EYS: variants seen among roughly 807,000 people sequenced by gnomAD.
EYS encodes the protein protein eyes shut homolog.
In EYS, 250 loss-of-function variants were observed where a neutral mutation model predicts 282.1. The observed-to-expected ratio is 0.89, with a 90% CI of 0.80 to 0.98. The LOEUF is 0.98. Ranked by LOEUF, EYS falls within the 50% of genes least tolerant of loss-of-function variation. The pLI is 0.00. For missense variants in EYS, 4,016 were observed against 3,709.0 expected, an observed-to-expected ratio of 1.08 and a Z score of -2.15; for synonymous variants, 1,355 against 1,282.9, an observed-to-expected ratio of 1.06 and a Z score of -1.20.
chr6:63,883,142 T>A (rs1247881015), intron 35 of EYS, among the ~76,000 whole-genome samples: 1 of 152,212 alleles, frequency 6.6e-6, no homozygotes, highest in Non-Finnish European at 1.5e-5. Context: ...AGCAATGGCT[T>A]CCTTTACATA....
chr6:65,644,500 A>C (rs1020797462), intron 1 of EYS, among the ~76,000 whole-genome samples: 1 of 152,208 alleles, frequency 6.6e-6, no homozygotes, highest in Non-Finnish European at 1.5e-5. Flanking sequence ...CTGAGAGAAC[A>C]ATCAAAGACA....
At chr6:65,603,162 C>T (rs1562282123) in intron 2 of EYS, among the ~76,000 whole-genome samples, 1 of 151,916 alleles carries the variant, frequency 6.6e-6, no homozygotes, top group Non-Finnish European at 1.5e-5. Flanking sequence ...CAGAATGATA[C>T]ACCACTTCCT....
intron 30 of EYS, among the ~76,000 whole-genome samples, chr6:64,259,650 GCACACACA>G (rs1554222995): frequency 1.4e-5 from 2 of 145,602 alleles, no homozygotes; most frequent in Non-Finnish European, 3.0e-5. Flanking sequence ...TTACACACGC[GCACACACA>G]CACACACACA....
At position 64,066,461 on chromosome 6, in the gene EYS, A is replaced by G. The variant is rs2149855751; in HGVS notation, c.6602T>C (p.Leu2201Pro). The change falls in exon 33 of 43, where the codon CTT (leucine) becomes CCT (proline). Residue 2201 changes from leucine to proline, a missense_variant. By Grantham distance (98) the Leu-to-Pro change is moderately conservative. Coordinates refer to ENST00000503581, the MANE Select transcript of EYS (RefSeq NM_001142800.2). ...SNGNNCGKQF[L>P]HLFLVEGRPS... Reference sequence around the variant, plus strand: ...CCTTCCTTCCACAAGAAATAAATGAAGAAACTGCTTTCCACAATTATTCCC... The same window carrying G: ...CCTTCCTTCCACAAGAAATAAATGAGGAAACTGCTTTCCACAATTATTCCC... 2.6e-6 allele frequency: 4 copies of G among 1,545,612 alleles called. No individual in the cohort carries two copies. Among genetic ancestry groups the G allele is most frequent in the Non-Finnish European group, 2.6e-6 (3 of 1,141,866 alleles).
At chr6:65,191,441 G>A (rs1055660187) in intron 12 of EYS, among the ~76,000 whole-genome samples, 1 of 151,702 alleles carries the variant, frequency 6.6e-6, no homozygotes, top group Non-Finnish European at 1.5e-5. Context: ...ACTATTATTT[G>A]ATTTTCAGCC....
At chr6:64,466,786 A>G (rs1775935078) in intron 26 of EYS, among the ~76,000 whole-genome samples, 1 of 152,154 alleles carries the variant, frequency 6.6e-6, no homozygotes, top group Non-Finnish European at 1.5e-5. Flanking sequence ...GAGATGATGT[A>G]TATATTGATT....
chr6:64,887,486 C>T (rs1426752499), intron 18 of EYS, among the ~76,000 whole-genome samples: 2 of 151,906 alleles, frequency 1.3e-5, no homozygotes, highest in South Asian at 4.1e-4. Flanking sequence ...TTAAACTGAT[C>T]GAAACTGTAT....
At chr6:64,363,697 C>A (rs913995444) in intron 29 of EYS, among the ~76,000 whole-genome samples, 3 of 151,834 alleles carry the variant, frequency 2.0e-5, no homozygotes, top group African/African-American at 4.8e-5. Context: ...GTCAATCTAC[C>A]AAATAGTGTG....
intron 22 of EYS, among the ~76,000 whole-genome samples, chr6:64,671,603 AT>A (rs1769465034): frequency 6.6e-6 from 1 of 152,280 alleles, no homozygotes; most frequent in Non-Finnish European, 1.5e-5. Context: ...ACCTGGTTAT[AT>A]TTTGTTTTTA....
At chr6:64,594,230 C>T (rs574338908) in intron 24 of EYS, among the ~76,000 whole-genome samples, 160 of 152,064 alleles carry the variant, frequency 1.1e-3, no homozygotes, top group Middle Eastern at 3.4e-3. Context: ...TTAGATAATT[C>T]GCAACAAAGA....
chr6:64,889,890 T>G (rs552340539), intron 18 of EYS, among the ~76,000 whole-genome samples: 42 of 152,020 alleles, frequency 2.8e-4, no homozygotes, highest in Admixed American at 6.6e-4. Context: ...ATAAGAGAGA[T>G]AACCTTAAAC....
chr6:64,087,768 A>G (rs1270528831), intron 31 of EYS, among the ~76,000 whole-genome samples: 2 of 152,134 alleles, frequency 1.3e-5, no homozygotes, highest in East Asian at 3.8e-4. Flanking sequence ...TTTTCACACT[A>G]TTGATAAGTC....
chr6:64,338,297 T>A (rs558891680), intron 29 of EYS, among the ~76,000 whole-genome samples: 1 of 151,878 alleles, frequency 6.6e-6, no homozygotes, highest in Admixed American at 6.6e-5. Flanking sequence ...GATACAAGAT[T>A]AGTTTACACA....
chr6:64,905,243 C>A (rs578122849), intron 16 of EYS, among the ~76,000 whole-genome samples: 6 of 152,178 alleles, frequency 3.9e-5, no homozygotes, highest in Admixed American at 3.9e-4. Flanking sequence ...TACTTAATCC[C>A]AAACTACATA....
intron 35 of EYS, among the ~76,000 whole-genome samples, chr6:63,876,541 G>A (rs1772976907): frequency 6.6e-6 from 1 of 152,072 alleles, no homozygotes; most frequent in Admixed American, 6.6e-5. Context: ...AACTTTCTGT[G>A]TCATGGATCT....
chr6:64,998,029 G>C (rs1159854867), intron 13 of EYS, among the ~76,000 whole-genome samples: 1 of 152,052 alleles, frequency 6.6e-6, no homozygotes, highest in African/African-American at 2.4e-5. Flanking sequence ...CAATATATAT[G>C]ATAAATAGGT....
intron 22 of EYS, among the ~76,000 whole-genome samples, chr6:64,673,363 A>G (rs1287037893): frequency 6.6e-6 from 1 of 152,120 alleles, no homozygotes; most frequent in Non-Finnish European, 1.5e-5. Flanking sequence ...AGTTATGATA[A>G]CACTAACTCC....
chr6:65,463,946 A>G (rs559245069), intron 5 of EYS, among the ~76,000 whole-genome samples: 2 of 152,144 alleles, frequency 1.3e-5, no homozygotes, highest in Admixed American at 6.6e-5. Flanking sequence ...ATTTTAATAT[A>G]TTGTGATACT....
intron 28 of EYS, among the ~76,000 whole-genome samples, chr6:64,398,752 A>C (rs777891201): frequency 2.0e-5 from 3 of 151,868 alleles, no homozygotes; most frequent in Non-Finnish European, 4.4e-5. Context: ...ACCTAAGACC[A>C]GGTATGGTCA....
Sources: allele counts gnomAD v4.1 joint callset (sites outside exome capture counted in the v4.1 genomes callset), GRCh38; gene constraint gnomAD v4.1.1; transcripts MANE v1.5; gene names NCBI Gene and HGNC (gene_info 2026-07-23, HGNC 2026-07-21).